FCHO2: variants seen among roughly 807,000 people sequenced by gnomAD.
FCHO2 encodes the protein F-BAR domain only protein 2.
FCHO2 carries 43 observed loss-of-function variants against 114.1 expected under a neutral mutation model. That is an observed-to-expected ratio of 0.38 (90% CI 0.30 to 0.49). FCHO2 has a LOEUF of 0.49. FCHO2 is among the 20% of genes least tolerant of loss of function. The pLI is 0.97. For missense variants in FCHO2, 807 were observed against 950.4 expected (o/e 0.85, Z 1.98); for synonymous variants, 293 against 315.2 (o/e 0.93, Z 0.75).
intron 11 of FCHO2, chr5:73,051,133 A>G (rs570470569): frequency 2.5e-5 from 10 of 396,110 alleles, no homozygotes; most frequent in Admixed American, 4.8e-5. Flanking sequence ...TTCATTTTGC[A>G]GGTCTTTCCT....
chr5:72,968,277 A>T (rs904074104), intron 1 of FCHO2, among the ~76,000 whole-genome samples: 1 of 152,206 alleles, frequency 6.6e-6, no homozygotes, highest in African/African-American at 2.4e-5. Context: ...GTGTATGCAT[A>T]TATGTTTGTA....
chr5:73,040,826 G>T lies in FCHO2; in HGVS notation c.915-465G>T, dbSNP rs1202627556. Among the ~76,000 whole-genome samples the T allele has an allele frequency of 2.6e-5, 4 of 152,120 alleles. 1 individual carries two copies. The East Asian group carries it at 7.7e-4, about 29-fold the overall frequency. On this transcript the variant is annotated intron_variant, in intron 10 of 25. Coordinates refer to ENST00000430046, the MANE Select transcript of FCHO2 (RefSeq NM_138782.3). The stretch of plus-strand genomic sequence containing the variant: ...AATTGTATTTTTTCCAGTAGTTTTG[G>T]GTTTTCAGACTACTTGCTACTTAAT...
intron 3 of FCHO2, among the ~76,000 whole-genome samples, chr5:72,989,896 AT>A (rs1347006583): frequency 3.3e-5 from 5 of 152,024 alleles, no homozygotes; most frequent in Non-Finnish European, 7.4e-5. Flanking sequence ...TGCATTAAAA[AT>A]GTCTCCTGTG....
rs771104486 is a variant in FCHO2 at position 73,063,894 on chromosome 5, G to A, written c.1399G>A (p.Ala467Thr). Residue 467 changes from alanine to threonine, a missense_variant, in exon 18 of 26, where the codon GCT (alanine) becomes ACT (threonine). Coordinates refer to ENST00000430046, the MANE Select transcript of FCHO2 (RefSeq NM_138782.3). ...VGTIVPPPRP[A>T]SRPKLTSGKL... ...CACCATTGTCCCACCTCCGAGGCCT[G>A]CTTCCAGACCAAAGCTTACTTCAGG... 4.3e-6 allele frequency: 7 copies of A among 1,611,890 alleles called. No individual in the cohort carries two copies. Among genetic ancestry groups the A allele is most frequent in the Non-Finnish European group, 5.9e-6 (7 of 1,178,858 alleles).
At chr5:72,986,761 T>A (rs1753541754) in intron 2 of FCHO2, among the ~76,000 whole-genome samples, 1 of 152,252 alleles carries the variant, frequency 6.6e-6, no homozygotes, top group South Asian at 2.1e-4. Flanking sequence ...GCAAGAAATC[T>A]TGAAGGTGAG....
chr5:72,960,112 A>G (rs1466679511), intron 1 of FCHO2, among the ~76,000 whole-genome samples: 2 of 152,144 alleles, frequency 1.3e-5, no homozygotes, highest in Admixed American at 6.6e-5. Flanking sequence ...ACAACCTATT[A>G]ATTGTTTTCT....
chr5:72,990,427 A>G, intron 3 of FCHO2, 51 bp from the exon 4 acceptor site: 1 of 1,393,332 alleles, frequency 7.2e-7, no homozygotes, highest in Non-Finnish European at 9.6e-7. Flanking sequence ...TAGAACCTTA[A>G]TTTTCTTTTT....
At chr5:73,058,029 C>T (rs1035876970) in intron 16 of FCHO2, among the ~76,000 whole-genome samples, 6 of 151,822 alleles carry the variant, frequency 4.0e-5, no homozygotes, top group African/African-American at 7.3e-5. Flanking sequence ...ATTTTTTTTA[C>T]GGACGGGGTC....
intron 10 of FCHO2, among the ~76,000 whole-genome samples, chr5:73,040,332 G>A (rs923571851): frequency 1.1e-4 from 17 of 152,234 alleles, no homozygotes; most frequent in African/African-American, 4.1e-4. Flanking sequence ...TGAGCATCCT[G>A]TTAGTGTTCA....
chr5:73,012,512 G>A (rs1159765389), intron 6 of FCHO2, among the ~76,000 whole-genome samples: 1 of 151,718 alleles, frequency 6.6e-6, no homozygotes. Flanking sequence ...CCAGCTACTC[G>A]GGAGCCTGAG....
In FCHO2 at chr5:73,087,699, G is replaced by C. The variant is rs199818065; in HGVS notation, c.2356G>C (p.Glu786Gln). 2 of 1,613,184 alleles carry C rather than the reference G, an allele frequency of 1.2e-6. No homozygotes were observed. The highest frequency in any genetic ancestry group is 1.7e-6 in the Non-Finnish European group (2 of 1,179,564). The change falls in exon 25 of 26, where the codon GAA becomes CAA. Residue 786 changes from glutamate to glutamine, a missense_variant. Transcript: ENST00000430046. Reference sequence around the variant, plus strand: ...AAGTACCCTTTCAGGAGTAGATTTCGAACTTGTGGGCACTGGCTATAGGCT... The same window carrying C: ...AAGTACCCTTTCAGGAGTAGATTTCCAACTTGTGGGCACTGGCTATAGGCT... Reference protein sequence around the residue: ...EGSTLSGVDFELVGTGYRLSL... With the variant: ...EGSTLSGVDFQLVGTGYRLSL...
At chr5:72,969,663 T>G (rs1752408793) in intron 2 of FCHO2, among the ~76,000 whole-genome samples, 1 of 152,206 alleles carries the variant, frequency 6.6e-6, no homozygotes, top group Non-Finnish European at 1.5e-5. Context: ...TTAGTCACCT[T>G]AAGAAGTCCA....
At chr5:72,958,439 T>A (rs1751675167) in intron 1 of FCHO2, among the ~76,000 whole-genome samples, 1 of 152,222 alleles carries the variant, frequency 6.6e-6, no homozygotes, top group Non-Finnish European at 1.5e-5. Flanking sequence ...TTGAAAAGGT[T>A]CATCTTTCCC....
At chr5:73,071,013 C>T (rs1054042928) in intron 19 of FCHO2, among the ~76,000 whole-genome samples, 15 of 151,918 alleles carry the variant, frequency 9.9e-5, no homozygotes, top group African/African-American at 3.1e-4. Flanking sequence ...TAAAATATTT[C>T]GTTATCCAAC....
intron 2 of FCHO2, among the ~76,000 whole-genome samples, chr5:72,983,105 G>T (rs1753312772): frequency 6.6e-6 from 1 of 151,902 alleles, no homozygotes; most frequent in South Asian, 2.1e-4. Flanking sequence ...GTAGAGACGG[G>T]GTTTCATCAT....
At chr5:73,004,633 T>C (rs1414451140) in intron 5 of FCHO2, among the ~76,000 whole-genome samples, 1 of 148,050 alleles carries the variant, frequency 6.8e-6, no homozygotes, top group Non-Finnish European at 1.5e-5. Flanking sequence ...CTACAGCTTT[T>C]TTTAAAAAAA....
At position 72,978,891 on chromosome 5, in the gene FCHO2, G is replaced by T. The variant is rs141069210; in HGVS notation, c.125+10302G>T. Among the ~76,000 whole-genome samples, 634 of 152,298 alleles carry T rather than the reference G, an allele frequency of 4.2e-3. 23 individuals carry two copies. In the East Asian group the frequency reaches 0.095, roughly 23 times the overall value. Reference sequence around the variant, plus strand: ...TCATGTGGTTTTTGTCATTGATTCTGTTTATGTGATGGATTACATTTATTG... The same window carrying T: ...TCATGTGGTTTTTGTCATTGATTCTTTTTATGTGATGGATTACATTTATTG... On this transcript the variant is annotated intron_variant, in intron 2 of 25. Transcript: ENST00000430046.
intron 16 of FCHO2, among the ~76,000 whole-genome samples, chr5:73,056,775 G>A (rs1318424603): frequency 6.6e-6 from 1 of 151,946 alleles, no homozygotes; most frequent in Non-Finnish European, 1.5e-5. Flanking sequence ...TTTTGACTGT[G>A]ACGTTATAAA....
At chr5:73,019,966 G>T (rs1268733094) in intron 8 of FCHO2, among the ~76,000 whole-genome samples, 2 of 152,158 alleles carry the variant, frequency 1.3e-5, no homozygotes, top group Non-Finnish European at 2.9e-5. Context: ...TCTCACCAAG[G>T]CCACCTTTCA....
Sources: gnomAD v4.1 joint callset for allele counts (sites outside exome capture counted in the v4.1 genomes callset) on GRCh38, gnomAD v4.1.1 for gene constraint, MANE v1.5 for transcripts, NCBI Gene and HGNC (gene_info 2026-07-23, HGNC 2026-07-21) for gene names.